RANBP2: variants seen among roughly 807,000 people sequenced by gnomAD.
RANBP2 encodes the protein RAN binding protein 2.
In RANBP2, 57 loss-of-function variants were observed where a neutral mutation model predicts 303.6. That is an observed-to-expected ratio of 0.19 (90% CI 0.15 to 0.23). The LOEUF is 0.23. RANBP2 is among the 10% of genes least tolerant of loss of function. RANBP2 has a pLI of 1.00. For synonymous variants in RANBP2, 1,167 were observed against 1,301.5 expected (o/e 0.90, Z 2.23); for missense variants, 3,138 against 3,780.8 (o/e 0.83, Z 4.46).
At chr2:109,129,991 G>A in the RANBP2 span, 1 of 1,295,236 alleles carries the variant, frequency 7.7e-7, no homozygotes, top group Middle Eastern at 3.0e-4. Context: ...CACGCTCGCG[G>A]GCGGCGGGGG....
the RANBP2 span, among the ~76,000 whole-genome samples, chr2:109,692,556 G>A: frequency 6.6e-6 from 1 of 152,198 alleles, no homozygotes; most frequent in Non-Finnish European, 1.5e-5. Context: ...AGGTCCTTGG[G>A]TTTTTGTTTG....
At chr2:109,286,881 C>A in the RANBP2 span, among the ~76,000 whole-genome samples, 2 of 152,168 alleles carry the variant, frequency 1.3e-5, no homozygotes, top group African/African-American at 4.8e-5. Flanking sequence ...ACCGGTCTGT[C>A]CCCAGAGAAA....
At chr2:108,953,518 T>C in the RANBP2 span, among the ~76,000 whole-genome samples, 1 of 152,110 alleles carries the variant, frequency 6.6e-6, no homozygotes, top group Non-Finnish European at 1.5e-5. Context: ...TTACTTTTCT[T>C]AAGGCTCACG....
the RANBP2 span, among the ~76,000 whole-genome samples, chr2:109,710,014 G>A: frequency 0.19 from 29,220 of 151,084 alleles, 3,057 homozygotes; most frequent in East Asian, 0.31. Context: ...TTGAACCTGG[G>A]AGATGGAGGT....
the RANBP2 span, among the ~76,000 whole-genome samples, chr2:109,266,303 TTG>T: frequency 6.6e-6 from 1 of 151,538 alleles, no homozygotes; most frequent in African/African-American, 2.4e-5. Flanking sequence ...TGTGTATGTG[TTG>T]TGTGTGTGTT....
chr2:109,363,865 C>T, the RANBP2 span, among the ~76,000 whole-genome samples: 1 of 151,910 alleles, frequency 6.6e-6, no homozygotes, highest in African/African-American at 2.4e-5. Context: ...GTGTTTTTTC[C>T]CCTCTGACTT....
the RANBP2 span, among the ~76,000 whole-genome samples, chr2:109,015,118 CAAAAAAAAAAAAAAAAAAA>C: frequency 1.3e-4 from 9 of 68,808 alleles, no homozygotes; most frequent in East Asian, 8.8e-4. Context: ...GACTCCATCT[CAAAAAAAAAAAAAAAAAAA>C]AAAAAAAAAA....
the RANBP2 span, among the ~76,000 whole-genome samples, chr2:109,085,515 G>A: frequency 4.6e-5 from 7 of 151,548 alleles, no homozygotes; most frequent in East Asian, 1.4e-3. Flanking sequence ...ATGTTAGCCA[G>A]GATGGTCTCA....
the RANBP2 span, chr2:108,931,018 C>T: frequency 6.2e-7 from 1 of 1,614,076 alleles, no homozygotes. Flanking sequence ...GGGCCATCCT[C>T]TCCCAAGGGC....
At chr2:108,926,593 G>C in the RANBP2 span, among the ~76,000 whole-genome samples, 1 of 152,190 alleles carries the variant, frequency 6.6e-6, no homozygotes, top group Non-Finnish European at 1.5e-5. Context: ...GAGCTCCTCC[G>C]GGGTGAGGCC....
At chr2:109,283,373 C>T in the RANBP2 span, among the ~76,000 whole-genome samples, 3 of 152,230 alleles carry the variant, frequency 2.0e-5, no homozygotes, top group Admixed American at 2.0e-4. Context: ...CAGGCCTCAC[C>T]TCACTGCGTT....
At chr2:109,643,012 T>C in the RANBP2 span, among the ~76,000 whole-genome samples, 1 of 152,032 alleles carries the variant, frequency 6.6e-6, no homozygotes, top group African/African-American at 2.4e-5. Flanking sequence ...CTGTCTCTAC[T>C]AAAATTTTTT....
chr2:108,858,440 C>T, the RANBP2 span, among the ~76,000 whole-genome samples: 10 of 152,022 alleles, frequency 6.6e-5, no homozygotes, highest in Admixed American at 3.3e-4. Context: ...CTACTAAAGC[C>T]GTATTGTGTT....
the RANBP2 span, among the ~76,000 whole-genome samples, chr2:109,051,011 A>G: frequency 6.6e-6 from 1 of 152,080 alleles, no homozygotes; most frequent in African/African-American, 2.4e-5. Flanking sequence ...CCTCTGCCCC[A>G]GTTCTCCTGT....
At chr2:109,200,823 G>C in the RANBP2 span, among the ~76,000 whole-genome samples, 1 of 152,214 alleles carries the variant, frequency 6.6e-6, no homozygotes, top group African/African-American at 2.4e-5. Flanking sequence ...GAGTTCACAG[G>C]ACAAGAGAAA....
chr2:108,973,136 G>A, the RANBP2 span, among the ~76,000 whole-genome samples: 6 of 152,126 alleles, frequency 3.9e-5, no homozygotes, highest in African/African-American at 9.7e-5. Flanking sequence ...AATGGCACCC[G>A]CCACCATGTC....
At chr2:108,811,530 A>G in the RANBP2 span, among the ~76,000 whole-genome samples, 2 of 152,142 alleles carry the variant, frequency 1.3e-5, no homozygotes, top group African/African-American at 4.8e-5. Context: ...GGTGTGAGCT[A>G]CTGCACTCAG....
chr2:109,467,550 A>G, the RANBP2 span, among the ~76,000 whole-genome samples: 12 of 152,362 alleles, frequency 7.9e-5, no homozygotes, highest in Admixed American at 5.2e-4. Context: ...CACATCGCCC[A>G]GATGGTGGGG....
the RANBP2 span, among the ~76,000 whole-genome samples, chr2:109,196,299 C>G: frequency 3.0e-4 from 46 of 152,302 alleles, no homozygotes; most frequent in African/African-American, 8.7e-4. Flanking sequence ...GCCAGCAGCC[C>G]TGGATTGGTG....
Sources: allele counts gnomAD v4.1 joint callset (sites outside exome capture counted in the v4.1 genomes callset), GRCh38; gene constraint gnomAD v4.1.1; transcripts MANE v1.5; gene names NCBI Gene and HGNC (gene_info 2026-07-23, HGNC 2026-07-21).